The following MTERF2 variants were observed in gnomAD, a reference collection of about 807,000 sequenced individuals.
MTERF2 encodes mitochondrial transcription termination factor 2.
Under a neutral mutation model 29.2 loss-of-function variants are expected in MTERF2, and 23 were observed. The ratio of observed to expected loss-of-function variants is 0.79; its 90% CI spans 0.57 to 1.12. The LOEUF (loss-of-function observed/expected upper bound fraction) is 1.12, where lower values mean the gene tolerates loss of function less well. MTERF2 is among the 50% of genes most tolerant of loss of function. MTERF2 has a pLI of 0.00. For synonymous variants in MTERF2, 157 were observed against 159.5 expected (o/e 0.98, Z 0.12); for missense variants, 440 against 429.4 (o/e 1.02, Z -0.22).
chr12:106,986,305 G>A (rs1344800900), intron 1 of MTERF2: 2 of 151,984 alleles, frequency 1.3e-5, no homozygotes, highest in South Asian at 2.1e-4. Flanking sequence ...CTATCTCCTG[G>A]GTGACTGCAA....
In MTERF2 at chr12:106,978,596, T is replaced by G. The variant is rs755814913; in HGVS notation, c.119A>C (p.Gln40Pro). 6.2e-7 allele frequency: 1 copy of G among 1,614,234 alleles called. No individual in the cohort carries two copies. Among genetic ancestry groups the G allele is most frequent in the Non-Finnish European group, 8.5e-7 (1 of 1,180,036 alleles). Residue 40 changes from glutamine (Q) to proline (P), a missense_variant, in exon 3 of 3, where the codon CAG becomes CCG. Coordinates refer to ENST00000240050, the MANE Select transcript of MTERF2 (RefSeq NM_001033050.3). Reference protein sequence around the residue: ...LACFTYTTDKQSSKENTRTVE... With the variant: ...LACFTYTTDKPSSKENTRTVE... Reference sequence around the variant, plus strand: ...TGTTCTTGTATTTTCTTTGCTCGACTGTTTATCAGTTGTATAGGTGAAGCA... The same window carrying G: ...TGTTCTTGTATTTTCTTTGCTCGACGGTTTATCAGTTGTATAGGTGAAGCA...
intron 2 of MTERF2, among the ~76,000 whole-genome samples, chr12:106,983,151 T>C (rs1343344665): frequency 6.6e-6 from 1 of 152,216 alleles, no homozygotes; most frequent in African/African-American, 2.4e-5. Context: ...AGTAGCCCCT[T>C]TTTTAATTGT....
At chr12:106,981,589 C>T (rs528253893) in intron 2 of MTERF2, among the ~76,000 whole-genome samples, 1 of 151,502 alleles carries the variant, frequency 6.6e-6, no homozygotes, top group African/African-American at 2.4e-5. Context: ...GGTGTGATCT[C>T]GGCTCACTGC....
At chr12:106,980,749 T>C (rs2136794910) in intron 2 of MTERF2, 1 of 152,324 alleles carries the variant, frequency 6.6e-6, no homozygotes, top group African/African-American at 2.4e-5. Context: ...TTTCCATCCC[T>C]GACTTTAATT....
rs770823090 is a variant in MTERF2 at position 106,977,604 on chromosome 12, CT to C, written c.1110del (p.Val371Ter). On this transcript the variant is annotated frameshift_variant, in exon 3 of 3. Coordinates refer to ENST00000240050, the MANE Select transcript of MTERF2 (RefSeq NM_001033050.3). LOFTEE classifies it high-confidence loss of function. ...GCCACAGGGTTAAATAATGGCCTTA[CT>C]TTTTTGGCCTGAATTTTGCCAAAAT... Reference protein sequence around the residue: ...EANFGKIQAKKVRPLFNPVAP... With the variant: ...EANFGKIQAKXVRPLFNPVAP... 18 of 1,613,362 alleles carry C rather than the reference CT, an allele frequency of 1.1e-5. No homozygotes were observed. The highest frequency in any genetic ancestry group is 1.6e-4 in the Middle Eastern group (1 of 6,070).
At chr12:106,980,765 G>A (rs1952044849) in intron 2 of MTERF2, 1 of 152,108 alleles carries the variant, frequency 6.6e-6, no homozygotes, top group Admixed American at 6.5e-5. Flanking sequence ...TAATTTAAAC[G>A]CCCTTGCCAG....
Position 106,977,315 on chromosome 12 carries a change from GTA to G in MTERF2, c.*240_*241del, listed in dbSNP as rs1223112521. 8.0e-6 allele frequency: 3 copies of G among 372,912 alleles called. No individual in the cohort carries two copies. The South Asian group carries it at 1.6e-4, about 19-fold the overall frequency. The allele number at this position is 372,912 out of a possible 1,614,324, so 23.1% of individuals were successfully genotyped here. ...TATCACACTGATATGCCATTTAATA[GTA>G]TATGAGTTTTTGAAATAATGGTTCA... On this transcript the variant is annotated 3_prime_UTR_variant, in exon 3 of 3. Coordinates refer to ENST00000240050, the MANE Select transcript of MTERF2 (RefSeq NM_001033050.3).
chr12:106,978,720 CA>C lies in MTERF2; in HGVS notation c.-7del. ...AGCAGCAGCTTCCACAACATGGCTG[CA>C]ATCTACTAGCTAGTTTCCACCGTCC... is the stretch of plus-strand genomic sequence containing the variant. On this transcript the variant is annotated 5_prime_UTR_variant, in exon 3 of 3. The change creates a new upstream start codon in the 5' untranslated region. Coordinates refer to ENST00000240050, the MANE Select transcript of MTERF2 (RefSeq NM_001033050.3). The C allele has an allele frequency of 6.2e-7, 1 of 1,610,394 alleles. No individual in the cohort carries two copies. Among genetic ancestry groups the C allele is most frequent in the Non-Finnish European group, 8.5e-7 (1 of 1,178,438 alleles).
At chr12:106,985,395 C>T (rs908413953) in intron 1 of MTERF2, 170 bp from the exon 2 acceptor site, 1 of 152,234 alleles carries the variant, frequency 6.6e-6, no homozygotes, top group African/African-American at 2.4e-5. Context: ...TGGTTTCTAC[C>T]ATGTGGTCTT....
chr12:106,986,027 A>G (rs1952111634), intron 1 of MTERF2: 3 of 152,228 alleles, frequency 2.0e-5, no homozygotes, highest in Admixed American at 2.0e-4. Flanking sequence ...AATGACCTGC[A>G]CTAGATTTAC....
In MTERF2 at chr12:106,978,425, A is replaced by G. The variant is rs1008934545; in HGVS notation, c.290T>C (p.Ile97Thr). ...AATTGCTTCCGGGCAGCGTTCCAAAATACTGGCTACAGCAGTCTCATCGGC... is the reference window on the plus strand; with the variant it reads ...AATTGCTTCCGGGCAGCGTTCCAAAGTACTGGCTACAGCAGTCTCATCGGC... ...LGADETAVASILERCPEAIVC... is the reference protein window; with the variant it reads ...LGADETAVASTLERCPEAIVC... Residue 97 changes from isoleucine (I) to threonine (T), a missense_variant, in exon 3 of 3, where the codon ATT becomes ACT. Transcript: ENST00000240050. 1 of 1,614,120 alleles carries G rather than the reference A, an allele frequency of 6.2e-7. No homozygotes were observed. The highest frequency in any genetic ancestry group is 8.5e-7 in the Non-Finnish European group (1 of 1,180,048).
At chr12:106,983,720 CT>C (rs1952078183) in intron 2 of MTERF2, among the ~76,000 whole-genome samples, 1 of 152,068 alleles carries the variant, frequency 6.6e-6, no homozygotes, top group Admixed American at 6.6e-5. Context: ...CTGAACAATC[CT>C]TTCCTTCCCC....
At position 106,978,528 on chromosome 12, in the gene MTERF2, G is replaced by A. The variant is rs747325789; in HGVS notation, c.187C>T (p.Arg63Cys). Residue 63 changes from arginine (R) to cysteine (C), a missense_variant, in exon 3 of 3, where the codon CGT (arginine) becomes TGT (cysteine). Coordinates refer to ENST00000240050, the MANE Select transcript of MTERF2 (RefSeq NM_001033050.3). ...AAAAGTACCCATCCTTTTAATCTAC[G>A]AATTTTCCTAATGTCAACTGAACAT... ...YKCSVDIRKI[R>C]RLKGWVLLED... The A allele has an allele frequency of 8.1e-6, 13 of 1,614,004 alleles. No individual in the cohort carries two copies. The highest frequency in any genetic ancestry group is 6.7e-5 in the East Asian group (3 of 44,898).
Sources: allele counts gnomAD v4.1 joint callset (sites outside exome capture counted in the v4.1 genomes callset), GRCh38; gene constraint gnomAD v4.1.1; transcripts MANE v1.5; gene names NCBI Gene and HGNC (gene_info 2026-07-23, HGNC 2026-07-21).